Variants in GRIA4 observed in about 807,000 individuals in gnomAD.
GRIA4 encodes glutamate ionotropic receptor AMPA type subunit 4.
Under a neutral mutation model 104.0 loss-of-function variants are expected in GRIA4, and 34 were observed. The observed-to-expected ratio is 0.33, with a 90% CI of 0.25 to 0.44. The LOEUF (loss-of-function observed/expected upper bound fraction) is 0.44, where lower values mean the gene tolerates loss of function less well. Among genes scored for constraint, GRIA4 ranks in the 20% least tolerant of loss-of-function variants. The pLI is 1.00. For missense variants in GRIA4, 750 were observed against 1,096.5 expected (o/e 0.68, Z 4.46); for synonymous variants, 386 against 381.9 (o/e 1.01, Z -0.13).
At position 105,980,292 on chromosome 11, in the gene GRIA4, C is replaced by G. The variant is rs781315463; in HGVS notation, c.*553C>G. 2 of 152,594 alleles carry G rather than the reference C, an allele frequency of 1.3e-5. No individual in the cohort carries two copies. Among genetic ancestry groups the G allele is most frequent in the Non-Finnish European group, 2.9e-5 (2 of 68,072 alleles). 9.5% of individuals were successfully genotyped at this position (152,594 alleles called of 1,614,324 possible). ...AAAATAAAGGAAGTATGTACACTTACTTTGGAGAAAACAAATACTGAAACA... is the reference window on the plus strand; with the variant it reads ...AAAATAAAGGAAGTATGTACACTTAGTTTGGAGAAAACAAATACTGAAACA... On this transcript the variant is annotated 3_prime_UTR_variant, in exon 17 of 17. Coordinates refer to ENST00000282499, the MANE Select transcript of GRIA4 (RefSeq NM_000829.4).
chr11:105,881,802 A>T (rs181626975), intron 5 of GRIA4, among the ~76,000 whole-genome samples: 135 of 152,186 alleles, frequency 8.9e-4, no homozygotes, highest in African/African-American at 3.1e-3. Context: ...ATCTGATAAG[A>T]ATTTACATTA....
At chr11:105,648,593 GA>G (rs982659864) in intron 3 of GRIA4, among the ~76,000 whole-genome samples, 5 of 147,392 alleles carry the variant, frequency 3.4e-5, no homozygotes, top group Non-Finnish European at 6.0e-5. Context: ...ATGCAAAAAG[GA>G]AAAAAAAAGA....
chr11:105,867,703 C>T (rs1358583741), intron 5 of GRIA4, among the ~76,000 whole-genome samples: 1 of 151,944 alleles, frequency 6.6e-6, no homozygotes, highest in East Asian at 1.9e-4. Context: ...CAAAACAAAA[C>T]CCTCAAAAAC....
chr11:105,624,255 C>G (rs1351557724), intron 3 of GRIA4, among the ~76,000 whole-genome samples: 4 of 152,042 alleles, frequency 2.6e-5, no homozygotes, highest in Non-Finnish European at 5.9e-5. Context: ...AAATTTAAAT[C>G]TGGTAGAAGA....
At chr11:105,894,310 C>G (rs1238145568) in intron 6 of GRIA4, among the ~76,000 whole-genome samples, 5 of 152,072 alleles carry the variant, frequency 3.3e-5, no homozygotes, top group Non-Finnish European at 5.9e-5. Flanking sequence ...TGGCTGGAAT[C>G]TTAGCTCTAC....
At chr11:105,682,890 G>A (rs1952755616) in intron 3 of GRIA4, among the ~76,000 whole-genome samples, 1 of 152,122 alleles carries the variant, frequency 6.6e-6, no homozygotes, top group Non-Finnish European at 1.5e-5. Context: ...TACTCCTGGT[G>A]TGAGCAATGA....
At chr11:105,680,643 T>C (rs1456174028) in intron 3 of GRIA4, among the ~76,000 whole-genome samples, 1 of 152,174 alleles carries the variant, frequency 6.6e-6, no homozygotes, top group African/African-American at 2.4e-5. Context: ...CTGGAACTTC[T>C]GTGCTTTTTA....
At chr11:105,718,355 G>A (rs1359119028) in intron 3 of GRIA4, among the ~76,000 whole-genome samples, 2 of 152,146 alleles carry the variant, frequency 1.3e-5, no homozygotes, top group African/African-American at 2.4e-5. Context: ...GATGACTGAT[G>A]CCTGTAATGG....
chr11:105,712,330 A>G (rs893340527), intron 3 of GRIA4, among the ~76,000 whole-genome samples: 16 of 150,770 alleles, frequency 1.1e-4, no homozygotes, highest in Middle Eastern at 3.5e-3. Flanking sequence ...GTCTCTGTGT[A>G]TAAAAAGAGA....
intron 4 of GRIA4, among the ~76,000 whole-genome samples, chr11:105,763,412 AT>A (rs899641001): frequency 2.0e-5 from 3 of 152,070 alleles, no homozygotes; most frequent in Non-Finnish European, 4.4e-5. Flanking sequence ...TATTTAAGCT[AT>A]TTTTTTAAAG....
At chr11:105,975,427 A>G (rs1858929935) in intron 16 of GRIA4, among the ~76,000 whole-genome samples, 1 of 152,050 alleles carries the variant, frequency 6.6e-6, no homozygotes, top group Non-Finnish European at 1.5e-5. Context: ...TCATCATGGC[A>G]TAATAAAAAA....
At chr11:105,921,888 A>G (rs668564) in intron 11 of GRIA4, among the ~76,000 whole-genome samples, 201 of 152,240 alleles carry the variant, frequency 1.3e-3, no homozygotes, top group African/African-American at 4.5e-3. Context: ...GGAGAATTAT[A>G]GATACTAGAA....
intron 16 of GRIA4, among the ~76,000 whole-genome samples, chr11:105,977,223 T>A (rs1353486235): frequency 6.6e-6 from 1 of 152,042 alleles, no homozygotes; most frequent in African/African-American, 2.4e-5. Flanking sequence ...TAACATTAAA[T>A]GTTGAAAGGG....
intron 3 of GRIA4, among the ~76,000 whole-genome samples, chr11:105,752,766 A>G (rs968729992): frequency 1.3e-5 from 2 of 152,210 alleles, no homozygotes; most frequent in African/African-American, 4.8e-5. Flanking sequence ...AATTCAGACC[A>G]GCTTCACTCA....
At chr11:105,911,775 A>AATACATAT (rs376124658) in intron 10 of GRIA4, 7 of 74,656 alleles carry the variant, frequency 9.4e-5, no homozygotes, top group Admixed American at 4.6e-4. Flanking sequence ...CTTGAAAAGC[A>AATACATAT]ATATATATAT....
At chr11:105,808,556 C>T (rs189655984) in intron 4 of GRIA4, among the ~76,000 whole-genome samples, 1 of 152,096 alleles carries the variant, frequency 6.6e-6, no homozygotes, top group Admixed American at 6.6e-5. Flanking sequence ...TTTGAGCATA[C>T]CTGTAATTCA....
At chr11:105,707,711 T>G (rs1953757025) in intron 3 of GRIA4, 1 of 152,204 alleles carries the variant, frequency 6.6e-6, no homozygotes, top group South Asian at 2.1e-4. Flanking sequence ...AAATGCAGAA[T>G]TCCTCAGAAG....
At chr11:105,620,587 A>C (rs1950716957) in intron 3 of GRIA4, among the ~76,000 whole-genome samples, 1 of 151,868 alleles carries the variant, frequency 6.6e-6, no homozygotes, top group Non-Finnish European at 1.5e-5. Context: ...CACAACTTTT[A>C]CTTACCCCAA....
chr11:105,841,467 CT>C (rs1223304136), intron 4 of GRIA4, among the ~76,000 whole-genome samples: 1 of 152,134 alleles, frequency 6.6e-6, no homozygotes, highest in Non-Finnish European at 1.5e-5. Context: ...AGCTTTCTTA[CT>C]GATCCACCTC....
Sources: gnomAD v4.1 joint callset for allele counts (sites outside exome capture counted in the v4.1 genomes callset) on GRCh38, gnomAD v4.1.1 for gene constraint, MANE v1.5 for transcripts, NCBI Gene and HGNC (gene_info 2026-07-23, HGNC 2026-07-21) for gene names.